The following LSS variants were observed in gnomAD, a reference collection of about 807,000 sequenced individuals.
LSS encodes the protein 2,3-epoxysqualene-lanosterol cyclase.
In LSS, 90 loss-of-function variants were observed where a neutral mutation model predicts 110.3. The observed-to-expected ratio is 0.82, with a 90% confidence interval of 0.69 to 0.97. The LOEUF (loss-of-function observed/expected upper bound fraction) is 0.97. LSS is among the 50% of genes least tolerant of loss of function. The pLI is 0.00. For synonymous variants in LSS, 433 were observed against 400.0 expected (o/e 1.08, Z -0.98); for missense variants, 927 against 990.0 (o/e 0.94, Z 0.85).
chr21:46,195,547 G>T, intron 19 of LSS, 129 bp downstream of exon 19: 1 of 877,850 alleles, frequency 1.1e-6, no homozygotes, highest in Non-Finnish European at 1.8e-6. Flanking sequence ...GGTTGACAGA[G>T]CGAGACTCCG....
intron 15 of LSS, 100 bp downstream of exon 15, chr21:46,207,328 G>T: frequency 7.0e-7 from 1 of 1,434,540 alleles, no homozygotes; most frequent in Non-Finnish European, 9.5e-7. Context: ...CGGCCTGGCC[G>T]GACTGTGTGC....
At chr21:46,194,351 T>C in intron 20 of LSS, 140 bp downstream of exon 20, 1 of 998,130 alleles carries the variant, frequency 1.0e-6, no homozygotes, top group Non-Finnish European at 1.5e-6. Context: ...CTTGTAGGTG[T>C]CTGTTCCCAG....
In LSS at chr21:46,188,832, A is replaced by T. The variant is rs1209918237; in HGVS notation, c.*2272T>A. 1 of 464,406 alleles carries T rather than the reference A, an allele frequency of 2.2e-6. No individual in the cohort carries two copies. The highest frequency in any genetic ancestry group is 4.5e-6 in the Non-Finnish European group (1 of 222,106). 28.8% of individuals were successfully genotyped at this position (464,406 alleles called of 1,614,324 possible). A position where few individuals can be genotyped will look rare whatever the true frequency, so the allele number is the denominator to read the frequency against. On this transcript the variant is annotated 3_prime_UTR_variant, in exon 22 of 22. Transcript: ENST00000397728. The stretch of plus-strand genomic sequence containing the variant: ...GTGACTTGAAGGCCACTGTGAAGGA[A>T]AACAATGCAGTGAAAGAAAGTTCCT...
chr21:46,194,891 G>A (rs2079887361), intron 19 of LSS, among the ~76,000 whole-genome samples: 2 of 152,256 alleles, frequency 1.3e-5, no homozygotes, highest in African/African-American at 2.4e-5. Flanking sequence ...GGACATGCGA[G>A]TACCGAGGAT....
intron 17 of LSS, among the ~76,000 whole-genome samples, chr21:46,199,776 T>C (rs1041214817): frequency 2.0e-5 from 3 of 152,126 alleles, no homozygotes; most frequent in Non-Finnish European, 2.9e-5. Context: ...ACAGTAAAAA[T>C]ATCAGTGTTT....
Position 46,188,730 on chromosome 21 carries a change from G to A in LSS, c.*2374C>T, listed in dbSNP as rs2079764051. The A allele has an allele frequency of 6.4e-6, 3 of 471,060 alleles. No individual in the cohort carries two copies. The highest frequency in any genetic ancestry group is 1.5e-5 in the South Asian group (1 of 64,572). The allele number at this position is 471,060 out of a possible 1,614,324, so 29.2% of individuals were successfully genotyped here. A position where few individuals can be genotyped will look rare whatever the true frequency, so the allele number is the denominator to read the frequency against. On this transcript the variant is annotated 3_prime_UTR_variant, in exon 22 of 22. Coordinates refer to ENST00000397728, the MANE Select transcript of LSS (RefSeq NM_002340.6). ...GAACACAGATGTGATTTCTAAAGAA[G>A]ACTGAAGGCAGGGATACTGACACTG...
intron 6 of LSS, among the ~76,000 whole-genome samples, chr21:46,218,400 G>C (rs2080234053): frequency 6.6e-6 from 1 of 152,128 alleles, no homozygotes; most frequent in African/African-American, 2.4e-5. Context: ...AAGGCAGGCG[G>C]ATCACCTGAG....
In LSS at chr21:46,188,702, A is replaced by T. The variant is rs1364108082; in HGVS notation, c.*2402T>A. The T allele has an allele frequency of 4.2e-6, 2 of 471,126 alleles. No homozygotes were observed. The highest frequency in any genetic ancestry group is 3.1e-5 in the South Asian group (2 of 64,556). The allele number at this position is 471,126 out of a possible 1,614,324, so 29.2% of individuals were successfully genotyped here. The stretch of plus-strand genomic sequence containing the variant: ...AAAATACACTCCCTCTAAACAATGG[A>T]TTGAACACAGATGTGATTTCTAAAG... On this transcript the variant is annotated 3_prime_UTR_variant, in exon 22 of 22. Transcript: ENST00000397728.
At position 46,194,559 on chromosome 21, in the gene LSS, A is replaced by C; in HGVS notation, c.1920T>G (p.Arg640=). 2.5e-6 allele frequency: 4 copies of C among 1,613,714 alleles called. No homozygotes were observed. Among genetic ancestry groups the C allele is most frequent in the Non-Finnish European group, 3.4e-6 (4 of 1,179,940 alleles). Residue 640 remains arginine, a synonymous_variant, in exon 20 of 22, where the codon CGT becomes CGG. Coordinates refer to ENST00000397728, the MANE Select transcript of LSS (RefSeq NM_002340.6). Reference sequence around the variant, plus strand: ...TCTGGGACTGGGCACTCTGCAAATAACGCCGCTCCTCGCAGGACTCAAAGT... The same window carrying C: ...TCTGGGACTGGGCACTCTGCAAATACCGCCGCTCCTCGCAGGACTCAAAGT... ...GEDFESCEER[R]YLQSAQSQIH...
intron 5 of LSS, among the ~76,000 whole-genome samples, chr21:46,221,330 A>G (rs1317243593): frequency 6.8e-6 from 1 of 147,330 alleles, no homozygotes; most frequent in African/African-American, 2.5e-5. Context: ...CAGGAAACAA[A>G]CAGAATTACC....
At chr21:46,226,600 G>T (rs1313002166) in intron 3 of LSS, among the ~76,000 whole-genome samples, 1 of 152,234 alleles carries the variant, frequency 6.6e-6, no homozygotes, top group Non-Finnish European at 1.5e-5. Context: ...GCTTTCTAAT[G>T]TATCTCATTA....
At chr21:46,197,339 A>G (rs944375693) in intron 17 of LSS, among the ~76,000 whole-genome samples, 2 of 152,230 alleles carry the variant, frequency 1.3e-5, no homozygotes, top group African/African-American at 4.8e-5. Context: ...TAGAGAACCT[A>G]AACAGTCCTA....
At position 46,215,285 on chromosome 21, in the gene LSS, C is replaced by T. The variant is rs758199548; in HGVS notation, c.906G>A (p.Leu302=). 6.2e-7 allele frequency: 1 copy of T among 1,608,650 alleles called. No individual in the cohort carries two copies. The highest frequency in any genetic ancestry group is 1.7e-5 in the Admixed American group (1 of 59,888). ...GGTGGGCACTGTGGTGGTGCTCATA[C>T]AGGTTGAGGAGCGCTACAGGGGACA... is the stretch of plus-strand genomic sequence containing the variant. ...LLRVVYALLN[L]YEHHHSAHLR... Residue 302 remains leucine (L), a synonymous_variant, in exon 9 of 22, where the codon CTG becomes CTA. Coordinates refer to ENST00000397728, the MANE Select transcript of LSS (RefSeq NM_002340.6).
intron 5 of LSS, among the ~76,000 whole-genome samples, chr21:46,220,885 G>C (rs2080269679): frequency 6.6e-6 from 1 of 150,680 alleles, no homozygotes. Flanking sequence ...GAGAAAGATA[G>C]TTGGCGCTTG....
intron 17 of LSS, among the ~76,000 whole-genome samples, chr21:46,196,785 G>A (rs574453621): frequency 3.4e-4 from 52 of 152,342 alleles, no homozygotes; most frequent in African/African-American, 1.2e-3. Flanking sequence ...TGATGGGTGC[G>A]GGTCCTGGGA....
At chr21:46,215,930 C>G in intron 7 of LSS, 137 bp from the exon 8 acceptor site, 2 of 615,150 alleles carry the variant, frequency 3.3e-6, no homozygotes, top group South Asian at 2.0e-5. Context: ...CCTCCAGCAA[C>G]TGACCCCGAG....
In LSS at chr21:46,189,195, A is replaced by G. The variant is rs991265440; in HGVS notation, c.*1909T>C. On this transcript the variant is annotated 3_prime_UTR_variant, in exon 22 of 22. Coordinates refer to ENST00000397728, the MANE Select transcript of LSS (RefSeq NM_002340.6). ...AAAAGTGACTTTCAGTAACATTTTC[A>G]GTATAAAAATGGATTTACATTTCAT... The G allele has an allele frequency of 9.0e-6, 2 of 221,278 alleles. No homozygotes were observed. The highest frequency in any genetic ancestry group is 5.2e-5 in the Admixed American group (1 of 19,180). The allele number at this position is 221,278 out of a possible 1,614,324, so 13.7% of individuals were successfully genotyped here.
At chr21:46,226,532 A>C (rs1238078594) in intron 3 of LSS, among the ~76,000 whole-genome samples, 1 of 152,252 alleles carries the variant, frequency 6.6e-6, no homozygotes, top group Admixed American at 6.5e-5. Context: ...GTCAAAGCAG[A>C]GATGGGGATC....
intron 16 of LSS, 52 bp downstream of exon 16, chr21:46,206,620 C>T (rs1051327021): frequency 1.3e-6 from 2 of 1,482,598 alleles, no homozygotes; most frequent in African/African-American, 1.4e-5. Flanking sequence ...TTGTGTACCA[C>T]AGTGCTAGCC....
Sources: allele counts gnomAD v4.1 joint callset (sites outside exome capture counted in the v4.1 genomes callset), GRCh38; gene constraint gnomAD v4.1.1; transcripts MANE v1.5; gene names NCBI Gene and HGNC (gene_info 2026-07-23, HGNC 2026-07-21).